CEP126: variants seen among roughly 807,000 people sequenced by gnomAD.
CEP126 encodes centrosomal protein 126.
In CEP126, 74 loss-of-function variants were observed where a neutral mutation model predicts 107.8. The ratio of observed to expected loss-of-function variants is 0.69; its 90% CI spans 0.57 to 0.83. The LOEUF (loss-of-function observed/expected upper bound fraction) is 0.83, where lower values mean the gene tolerates loss of function less well. Ranked by LOEUF, CEP126 falls within the 40% of genes least tolerant of loss-of-function variation. The pLI is 0.00. For synonymous variants in CEP126, 449 were observed against 446.0 expected (o/e 1.01, Z -0.08); for missense variants, 1,237 against 1,281.9 (o/e 0.96, Z 0.53).
intron 2 of CEP126, among the ~76,000 whole-genome samples, chr11:101,930,480 T>TA (rs1260907019): frequency 1.3e-5 from 2 of 152,216 alleles, no homozygotes; most frequent in Admixed American, 6.5e-5. Flanking sequence ...CGGTGAGTGT[T>TA]ACAGCTCTTA....
chr11:101,953,597 A>C (rs927876557), intron 4 of CEP126, among the ~76,000 whole-genome samples: 3 of 152,200 alleles, frequency 2.0e-5, no homozygotes, highest in Non-Finnish European at 2.9e-5. Context: ...TAAGAAAATA[A>C]ATGGGAAATG....
rs1299620739 is a variant in CEP126 at position 101,962,036 on chromosome 11, C to T, written c.1001C>T (p.Ser334Phe). 6.2e-7 allele frequency: 1 copy of T among 1,613,210 alleles called. No individual in the cohort carries two copies. The highest frequency in any genetic ancestry group is 1.3e-5 in the African/African-American group (1 of 74,900). ...GCTTTCTCAGATATTTTAAGTAAAT[C>T]TAATGTTCTGCCTTCATGGGAATAT... ...VTAFSDILSKSNVLPSWEYFN... is the reference protein window; with the variant it reads ...VTAFSDILSKFNVLPSWEYFN... Residue 334 changes from serine (S) to phenylalanine (F), a missense_variant, in exon 6 of 11, where the codon TCT (serine) becomes TTT (phenylalanine). By Grantham distance (155) the Ser-to-Phe change is radical. Around this residue, in one of 3 missense-constraint regions of CEP126, gnomAD observed 1,134 missense variants for 1,150.5 expected, o/e 0.99. Coordinates refer to ENST00000263468, the MANE Select transcript of CEP126 (RefSeq NM_020802.4).
At chr11:101,985,706 C>T (rs1405077600) in intron 8 of CEP126, among the ~76,000 whole-genome samples, 1 of 152,124 alleles carries the variant, frequency 6.6e-6, no homozygotes, top group Non-Finnish European at 1.5e-5. Flanking sequence ...ACAAGGAATA[C>T]TTAACATTTA....
At chr11:101,916,831 A>T (rs1301209786) in intron 1 of CEP126, among the ~76,000 whole-genome samples, 1 of 152,184 alleles carries the variant, frequency 6.6e-6, no homozygotes, top group Non-Finnish European at 1.5e-5. Flanking sequence ...TGCCAAAGAA[A>T]ATATTCATAA....
intron 1 of CEP126, chr11:101,915,982 T>G (rs563593316): frequency 6.6e-6 from 1 of 152,398 alleles, no homozygotes; most frequent in African/African-American, 2.4e-5. Flanking sequence ...CAATCTGGAT[T>G]AACTCTGACT....
intron 9 of CEP126, among the ~76,000 whole-genome samples, chr11:101,992,223 A>G (rs1941393619): frequency 6.6e-6 from 1 of 152,144 alleles, no homozygotes; most frequent in Non-Finnish European, 1.5e-5. Flanking sequence ...AAAATTATGC[A>G]GGTAAAGAAT....
At chr11:101,932,431 G>T (rs4754817) in intron 2 of CEP126, among the ~76,000 whole-genome samples, 8,486 of 152,054 alleles carry the variant, frequency 0.056, 460 homozygotes, top group East Asian at 0.26. Flanking sequence ...AGAAAACCTG[G>T]CCACTGTGGA....
At chr11:101,989,689 GTGCCT>G (rs1272886749) in intron 9 of CEP126, among the ~76,000 whole-genome samples, 2 of 152,212 alleles carry the variant, frequency 1.3e-5, no homozygotes, top group Non-Finnish European at 2.9e-5. Flanking sequence ...GCCGGGCGCG[GTGCCT>G]CACGCCTGTA....
intron 9 of CEP126, among the ~76,000 whole-genome samples, chr11:101,989,884 C>T (rs1290638076): frequency 6.6e-6 from 1 of 152,008 alleles, no homozygotes; most frequent in Non-Finnish European, 1.5e-5. Flanking sequence ...GGCATGAACC[C>T]GGGAGTCAGA....
chr11:101,937,967 C>G (rs1940609383), intron 2 of CEP126, among the ~76,000 whole-genome samples: 1 of 151,074 alleles, frequency 6.6e-6, no homozygotes, highest in Admixed American at 6.6e-5. Context: ...TCCTGGCTAA[C>G]AAGGTGAAAC....
chr11:101,935,896 A>G (rs1420704527), intron 2 of CEP126, among the ~76,000 whole-genome samples: 5 of 151,990 alleles, frequency 3.3e-5, no homozygotes, highest in Non-Finnish European at 7.4e-5. Context: ...ATGTCTCTAG[A>G]CATTGTCAAA....
rs542965138 is a variant in CEP126, at chr11:101,961,867, C to T, written c.832C>T (p.Arg278Trp). 2.2e-5 allele frequency: 35 copies of T among 1,610,870 alleles called. No homozygotes were observed. Among genetic ancestry groups the T allele is most frequent in the African/African-American group, 1.2e-4 (9 of 74,984 alleles). The change falls in exon 6 of 11, where the codon CGG becomes TGG. Residue 278 changes from arginine (R) to tryptophan (W), a missense_variant. Arg to Trp is a moderately radical substitution (Grantham distance 101). Transcript: ENST00000263468. ...TAAGGAGCATTCCACATCCATCCAGCGGAATACCATTTCCCTCAAACCAGC... is the reference window on the plus strand; with the variant it reads ...TAAGGAGCATTCCACATCCATCCAGTGGAATACCATTTCCCTCAAACCAGC... Reference protein sequence around the residue: ...LNKEHSTSIQRNTISLKPANM... With the variant: ...LNKEHSTSIQWNTISLKPANM...
At chr11:101,915,475 A>G (rs2137072447) in intron 1 of CEP126, 63 bp downstream of exon 1, 1 of 1,557,330 alleles carries the variant, frequency 6.4e-7, no homozygotes, top group Non-Finnish European at 8.7e-7. Context: ...ATCTTTTTCC[A>G]ATTAGATTCC....
At chr11:101,941,313 C>T (rs1451044069) in intron 2 of CEP126, among the ~76,000 whole-genome samples, 4 of 152,134 alleles carry the variant, frequency 2.6e-5, no homozygotes, top group African/African-American at 7.2e-5. Flanking sequence ...ACCCTCCCCA[C>T]CAGCTGGTAA....
Position 101,995,097 on chromosome 11 carries a change from C to T in CEP126, c.3309+2255C>T, listed in dbSNP as rs768947843. On this transcript the variant is annotated intron_variant, in intron 10 of 10. Transcript: ENST00000263468. ...GTCCATGTGTTCTCATTGTTCAACTCCCACTTACGAGTGAGAACATGCAGT... is the reference window on the plus strand; with the variant it reads ...GTCCATGTGTTCTCATTGTTCAACTTCCACTTACGAGTGAGAACATGCAGT... Among the ~76,000 whole-genome samples the T allele has an allele frequency of 4.5e-4, 69 of 152,092 alleles. 1 individual carries two copies. The highest frequency in any genetic ancestry group is 6.0e-4 in the Non-Finnish European group (41 of 68,032).
At position 101,915,079 on chromosome 11, in the gene CEP126, G is replaced by GTCGCCGCTGCCTCAGCTGCCA. The variant is rs1050359388; in HGVS notation, c.-197_-177dup. The GTCGCCGCTGCCTCAGCTGCCA allele has an allele frequency of 4.6e-6, 3 of 651,856 alleles. No individual in the cohort carries two copies. Among genetic ancestry groups the GTCGCCGCTGCCTCAGCTGCCA allele is most frequent in the Admixed American group, 3.3e-5 (1 of 30,614 alleles). 40.4% of individuals were successfully genotyped at this position (651,856 alleles called of 1,614,324 possible). A position where few individuals can be genotyped will look rare whatever the true frequency, so the allele number is the denominator to read the frequency against. On this transcript the variant is annotated 5_prime_UTR_variant, in exon 1 of 11. Transcript: ENST00000263468. ...GCCCCATCTGCTATTGCCCGGCGAG[G>GTCGCCGCTGCCTCAGCTGCCA]TCGCCGCTGCCTCAGCTGCCATCGC...
chr11:101,950,553 A>G (rs1168799288), intron 4 of CEP126, among the ~76,000 whole-genome samples: 1 of 152,228 alleles, frequency 6.6e-6, no homozygotes, highest in East Asian at 1.9e-4. Flanking sequence ...CATAATACAC[A>G]TGTAATACTG....
At chr11:101,958,722 T>C (rs1438877573) in intron 5 of CEP126, among the ~76,000 whole-genome samples, 1 of 152,224 alleles carries the variant, frequency 6.6e-6, no homozygotes, top group East Asian at 1.9e-4. Context: ...TTTCCACAAC[T>C]GAATACAGAT....
chr11:101,969,713 T>C (rs1054576820), intron 6 of CEP126, among the ~76,000 whole-genome samples: 2 of 152,202 alleles, frequency 1.3e-5, no homozygotes, highest in African/African-American at 4.8e-5. Context: ...CTAGATATTA[T>C]TAAAGCTAAA....
Sources: allele counts gnomAD v4.1 joint callset (sites outside exome capture counted in the v4.1 genomes callset), GRCh38; gene constraint gnomAD v4.1.1; regional missense constraint gnomAD v4.1.1; transcripts MANE v1.5; gene names NCBI Gene and HGNC (gene_info 2026-07-23, HGNC 2026-07-21).